Variants in RSRP1 observed in about 807,000 individuals in gnomAD.
The protein encoded by RSRP1 is arginine/serine-rich protein 1.
A neutral mutation model predicts 33.0 loss-of-function variants in RSRP1; 37 were observed. The observed-to-expected ratio is 1.12, with a 90% CI of 0.86 to 1.48. The LOEUF (loss-of-function observed/expected upper bound fraction) is 1.48, where lower values mean the gene tolerates loss of function less well. Ranked by LOEUF, RSRP1 falls within the 40% of genes most tolerant of loss-of-function variation. The pLI is 0.00. For synonymous variants in RSRP1, 167 were observed against 158.7 expected (o/e 1.05, Z -0.40); for missense variants, 402 against 385.3 (o/e 1.04, Z -0.36).
chr1:25,329,087 C>G lies in RSRP1; in HGVS notation c.-67+8891G>C, dbSNP rs755416541. 3.1e-6 allele frequency: 4 copies of G among 1,293,074 alleles called. 1 individual carries two copies. The highest frequency in any genetic ancestry group is 3.3e-6 in the Non-Finnish European group (3 of 910,510). The allele number at this position is 1,293,074 out of a possible 1,614,324, so 80.1% of individuals were successfully genotyped here. A position where few individuals can be genotyped will look rare whatever the true frequency, so the allele number is the denominator to read the frequency against. On this transcript the variant is annotated intron_variant, in intron 1 of 1. Coordinates refer to the RSRP1 transcript ENST00000561867. Reference sequence around the variant, plus strand: ...GGAGTTGAATCCTTTCTCTGCCACTCTTTGAGGAGAATCTCACCATTTATT... The same window carrying G: ...GGAGTTGAATCCTTTCTCTGCCACTGTTTGAGGAGAATCTCACCATTTATT...
intron 1 of RSRP1, among the ~76,000 whole-genome samples, chr1:25,315,077 G>C (rs572076257): frequency 7.8e-6 from 1 of 128,402 alleles, no homozygotes; most frequent in Admixed American, 7.6e-5. Flanking sequence ...TGTGGCTCTT[G>C]CCTGTAGTCT....
At chr1:25,244,094 GCT>G (rs1356419028) in intron 3 of RSRP1, 1 of 1,227,636 alleles carries the variant, frequency 8.1e-7, no homozygotes, top group Non-Finnish European at 1.0e-6. Context: ...CGGGAGTCTT[GCT>G]CTGTCACCCA....
chr1:25,274,813 C>A (rs1268663223), intron 1 of RSRP1, among the ~76,000 whole-genome samples: 1 of 133,584 alleles, frequency 7.5e-6, no homozygotes, highest in East Asian at 1.9e-4. Context: ...TCGAGACCAG[C>A]CTGGCCAACA....
Position 25,289,260 on chromosome 1 carries a change from T to A in RSRP1, c.-66-42231A>T, listed in dbSNP as rs192378438. ...CCCAGGCTGGAGTGCAGTGGTGCAG[T>A]CTCGGCCCACTGAAACCTCTGCCTC... is the stretch of plus-strand genomic sequence containing the variant. On this transcript the variant is annotated intron_variant, in intron 1 of 1. Coordinates refer to the RSRP1 transcript ENST00000561867. 4.3e-4 allele frequency among the ~76,000 whole-genome samples: 57 copies of A among 132,518 alleles called. 9 individuals carry two copies. Among genetic ancestry groups the A allele is most frequent in the African/African-American group, 1.3e-3 (51 of 38,882 alleles). 86.9% of individuals were successfully genotyped at this position (132,518 alleles called of 152,430 possible).
intron 1 of RSRP1, among the ~76,000 whole-genome samples, chr1:25,254,486 A>C (rs1639887866): frequency 6.6e-6 from 1 of 152,010 alleles, no homozygotes; most frequent in African/African-American, 2.4e-5. Context: ...CCCCGGCTGG[A>C]GTGCGGTGGT....
At chr1:25,300,916 A>C (rs778642544) in intron 1 of RSRP1, 3 of 1,374,494 alleles carry the variant, frequency 2.2e-6, no homozygotes, top group African/African-American at 2.8e-5. Context: ...GGATGCCGAC[A>C]CTCACTGCTC....
At chr1:25,276,713 C>CA (rs1164630090) in intron 1 of RSRP1, among the ~76,000 whole-genome samples, 4 of 125,746 alleles carry the variant, frequency 3.2e-5, no homozygotes, top group Non-Finnish European at 3.7e-5. Context: ...GACCCTGTCT[C>CA]AAAAAAAATA....
At position 25,320,161 on chromosome 1, in the gene RSRP1, G is replaced by T. The variant is rs1476590005; in HGVS notation, c.-67+17817C>A. Among the ~76,000 whole-genome samples the T allele has an allele frequency of 1.5e-5, 2 of 131,816 alleles. 1 individual carries two copies. Among genetic ancestry groups the T allele is most frequent in the African/African-American group, 5.2e-5 (2 of 38,680 alleles). 86.5% of individuals were successfully genotyped at this position (131,816 alleles called of 152,430 possible). The stretch of plus-strand genomic sequence containing the variant: ...GATCCGCCCACCTTGGCCTCCCAAA[G>T]TGCTGGGATTACAGGGATAAGCCAC... On this transcript the variant is annotated intron_variant, in intron 1 of 1. Transcript: ENST00000561867.
Position 25,323,534 on chromosome 1 carries a change from C to A in RSRP1, c.-67+14444G>T, listed in dbSNP as rs1295764849. ...AATGCAGTGGCACCATCATGGCTCA[C>A]TGTAGCCTCAACCTCCCCAGGCTCA... On this transcript the variant is annotated intron_variant, in intron 1 of 1. Coordinates refer to the RSRP1 transcript ENST00000561867. Among the ~76,000 whole-genome samples the A allele has an allele frequency of 1.8e-4, 23 of 127,652 alleles. 3 individuals are homozygous for A. The highest frequency in any genetic ancestry group is 5.4e-4 in the African/African-American group (20 of 36,966). The allele number at this position is 127,652 out of a possible 152,430, so 83.7% of individuals were successfully genotyped here.
At chr1:25,263,855 TG>T (rs960598707) in intron 1 of RSRP1, among the ~76,000 whole-genome samples, 13 of 151,964 alleles carry the variant, frequency 8.6e-5, no homozygotes, top group African/African-American at 3.2e-4. Flanking sequence ...CTAGATACAA[TG>T]GGGGTACAGG....
intron 3 of RSRP1, chr1:25,244,456 A>G: frequency 7.8e-7 from 1 of 1,289,434 alleles, no homozygotes; most frequent in Non-Finnish European, 1.0e-6. Flanking sequence ...TCAATTACCA[A>G]CAGATTTTCT....
intron 1 of RSRP1, among the ~76,000 whole-genome samples, chr1:25,295,870 T>G (rs1291495979): frequency 3.7e-5 from 4 of 106,764 alleles, no homozygotes; most frequent in Non-Finnish European, 6.7e-5. Context: ...TTTTTTTTTT[T>G]TTTTTTTTTG....
chr1:25,277,041 T>G (rs1380947865), intron 1 of RSRP1, among the ~76,000 whole-genome samples: 1 of 132,130 alleles, frequency 7.6e-6, no homozygotes, highest in African/African-American at 2.6e-5. Context: ...CACTCCAGCC[T>G]GGGCAACAGA....
chr1:25,303,628 T>G (rs139684880), intron 1 of RSRP1, among the ~76,000 whole-genome samples: 1 of 131,350 alleles, frequency 7.6e-6, no homozygotes, highest in East Asian at 2.0e-4. Context: ...GGCGCATTTG[T>G]TAAGATGCTC....
At position 25,274,181 on chromosome 1, in the gene RSRP1, A is replaced by G. The variant is rs1475481706; in HGVS notation, c.-66-27152T>C. On this transcript the variant is annotated intron_variant, in intron 1 of 1. Transcript: ENST00000561867. The stretch of plus-strand genomic sequence containing the variant: ...TACATTGAACCCTCACAATAACCCA[A>G]TGAGGTGGGTACTATTATGATCTTC... Among the ~76,000 whole-genome samples, 43 of 132,014 alleles carry G rather than the reference A, an allele frequency of 3.3e-4. 8 individuals carry two copies. Among genetic ancestry groups the G allele is most frequent in the Non-Finnish European group, 5.2e-4 (29 of 55,614 alleles). 86.6% of individuals were successfully genotyped at this position (132,014 alleles called of 152,430 possible). A position where few individuals can be genotyped will look rare whatever the true frequency, so the allele number is the denominator to read the frequency against.
chr1:25,293,781 C>T lies in RSRP1; in HGVS notation c.-67+44197G>A, dbSNP rs1642713524. 1.5e-5 allele frequency among the ~76,000 whole-genome samples: 2 copies of T among 131,992 alleles called. 1 individual carries two copies. Among genetic ancestry groups the T allele is most frequent in the South Asian group, 4.6e-4 (2 of 4,314 alleles). 86.6% of individuals were successfully genotyped at this position (131,992 alleles called of 152,430 possible). The stretch of plus-strand genomic sequence containing the variant: ...TTTTATTCATGAATTAAGAGTATTT[C>T]CCTTTGTCCATTATTCCCAAGGCAA... On this transcript the variant is annotated intron_variant, in intron 1 of 1. Transcript: ENST00000561867.
chr1:25,301,708 G>T (rs760609559), intron 1 of RSRP1: 1 of 1,370,394 alleles, frequency 7.3e-7, no homozygotes, highest in Non-Finnish European at 1.0e-6. Flanking sequence ...GCTGCCCTTG[G>T]GCAGCACTTG....
In RSRP1 at chr1:25,275,317, A is replaced by G. The variant is rs1349348189; in HGVS notation, c.-66-28288T>C. 3.0e-5 allele frequency among the ~76,000 whole-genome samples: 4 copies of G among 131,854 alleles called. 1 individual carries two copies. Among genetic ancestry groups the G allele is most frequent in the African/African-American group, 1.0e-4 (4 of 38,690 alleles). The allele number at this position is 131,854 out of a possible 152,430, so 86.5% of individuals were successfully genotyped here. ...AAATAATAGTAATAAATAAAAATAA[A>G]GAGGGAAGCAGCGGGTGGCAGACTC... On this transcript the variant is annotated intron_variant, in intron 1 of 1. Transcript: ENST00000561867.
intron 1 of RSRP1, among the ~76,000 whole-genome samples, chr1:25,292,717 G>A (rs1199702310): frequency 7.9e-6 from 1 of 127,104 alleles, no homozygotes; most frequent in African/African-American, 2.7e-5. Flanking sequence ...GTACAAGTCT[G>A]AAGCTTAGTG....
Sources: allele counts gnomAD v4.1 joint callset (sites outside exome capture counted in the v4.1 genomes callset), GRCh38; gene constraint gnomAD v4.1.1; transcripts MANE v1.5; gene names NCBI Gene and HGNC (gene_info 2026-07-23, HGNC 2026-07-21).